The following SBSPON variants were observed in gnomAD, a reference collection of about 807,000 sequenced individuals.
The protein encoded by SBSPON is somatomedin-B and thrombospondin type-1 domain-containing protein.
In SBSPON, 30 loss-of-function variants were observed where a neutral mutation model predicts 35.8. The observed-to-expected ratio is 0.84, with a 90% CI of 0.63 to 1.14. The LOEUF (loss-of-function observed/expected upper bound fraction) is 1.14, where lower values mean the gene tolerates loss of function less well. Ranked by LOEUF, SBSPON falls within the 50% of genes most tolerant of loss-of-function variation. The pLI is 0.00. For missense variants in SBSPON, 364 were observed against 357.7 expected, an observed-to-expected ratio of 1.02 and a Z score of -0.14; for synonymous variants, 136 against 135.9, an observed-to-expected ratio of 1.00 and a Z score of 0.00.
At chr8:73,088,698 G>A (rs890177688) in intron 1 of SBSPON, among the ~76,000 whole-genome samples, 1 of 146,542 alleles carries the variant, frequency 6.8e-6, no homozygotes, top group African/African-American at 2.6e-5. Flanking sequence ...GAAAAAAAAA[G>A]AGAGAAGAAG....
At chr8:73,071,255 G>A (rs1171357817) in intron 3 of SBSPON, among the ~76,000 whole-genome samples, 2 of 152,170 alleles carry the variant, frequency 1.3e-5, no homozygotes, top group African/African-American at 2.4e-5. Context: ...AAAAACTGAG[G>A]TGGAACAAGT....
At chr8:73,075,863 T>C in intron 2 of SBSPON, 2 of 328,928 alleles carry the variant, frequency 6.1e-6, no homozygotes, top group Non-Finnish European at 8.7e-6. Context: ...TATAAACAAT[T>C]GTCAATGATG....
At position 73,067,368 on chromosome 8, in the gene SBSPON, T is replaced by C. The variant is rs1355652755; in HGVS notation, c.768A>G (p.Pro256=). ...ATATAAAAATAAAACTGTGAACAGC[T>C]GGACAAGAACACTGGTCTACTCGCC... is the stretch of plus-strand genomic sequence containing the variant. ...KVRRVDQCSC[P]AVHSFIFI is the part of the protein sequence containing the mutation. Residue 256 remains proline (P), a synonymous_variant, in exon 5 of 5, where the codon CCA becomes CCG. Coordinates refer to ENST00000297354, the MANE Select transcript of SBSPON (RefSeq NM_153225.4). 6.2e-7 allele frequency: 1 copy of C among 1,602,508 alleles called. No individual in the cohort carries two copies. The highest frequency in any genetic ancestry group is 2.2e-5 in the East Asian group (1 of 44,762).
intron 2 of SBSPON, chr8:73,074,403 C>T (rs1355916912): frequency 1.2e-5 from 2 of 162,718 alleles, no homozygotes; most frequent in East Asian, 3.8e-4. Flanking sequence ...AGTCACTTTT[C>T]AGGTATTAAT....
Position 73,075,193 on chromosome 8 carries a change from T to TTC in SBSPON, c.410-3325_410-3324dup, listed in dbSNP as rs139674078. On this transcript the variant is annotated intron_variant, in intron 2 of 4. Transcript: ENST00000297354. ...CTTGGCCCATCTGTTTTTCAGGACTTTCTATCAAGCTCAGTTTCATGCTCT... is the reference window on the plus strand; with the variant it reads ...CTTGGCCCATCTGTTTTTCAGGACTTTCTCTATCAAGCTCAGTTTCATGCTCT... Among the ~76,000 whole-genome samples the TTC allele has an allele frequency of 4.6e-3, 694 of 152,266 alleles. 12 individuals are homozygous for TTC. The East Asian group carries it at 0.057, about 12-fold the overall frequency.
intron 1 of SBSPON, among the ~76,000 whole-genome samples, chr8:73,081,571 A>G (rs527290401): frequency 8.1e-4 from 124 of 152,222 alleles, no homozygotes; most frequent in African/African-American, 2.9e-3. Context: ...CCTTGATATT[A>G]ATTTTATCTG....
chr8:73,073,371 C>A (rs1237503475), intron 2 of SBSPON, among the ~76,000 whole-genome samples: 2 of 152,186 alleles, frequency 1.3e-5, no homozygotes, highest in East Asian at 3.8e-4. Context: ...ATGAACTCAA[C>A]AATGTGAGGA....
rs1265077739 is a variant in SBSPON, at chr8:73,092,921, C to A, written c.147G>T (p.Thr49=). The A allele has an allele frequency of 6.2e-7, 1 of 1,611,482 alleles. No individual in the cohort carries two copies. The highest frequency in any genetic ancestry group is 8.5e-7 in the Non-Finnish European group (1 of 1,179,406). The change falls in exon 1 of 5, where the codon ACG becomes ACT. Residue 49 remains threonine (T), a synonymous_variant. Transcript: ENST00000297354. ...AGCGACAGGCTTGGTCGCAGAAACA[C>A]GTCCCGTAGACCCTGTCCAGCCTCC... ...RGWRLDRVYG[T]CFCDQACRFT...
rs1168530282 is a variant in SBSPON at position 73,067,397 on chromosome 8, CT to C, written c.738del (p.Val247PhefsTer4). On this transcript the variant is annotated frameshift_variant, in exon 5 of 5. Transcript: ENST00000297354. LOFTEE classifies it high-confidence loss of function. ...GNPRCQGTWK[K>X]VRRVDQCSCP... ...CAAGAACACTGGTCTACTCGCCGAA[CT>C]TTTTTCCAAGTTCCTTGACACCGAG... 3.7e-6 allele frequency: 6 copies of C among 1,612,284 alleles called. No individual in the cohort carries two copies. The Admixed American group carries it at 5.0e-5, about 13-fold the overall frequency.
intron 1 of SBSPON, among the ~76,000 whole-genome samples, chr8:73,089,673 T>C (rs1460077969): frequency 6.6e-6 from 1 of 152,222 alleles, no homozygotes; most frequent in African/African-American, 2.4e-5. Flanking sequence ...GAATACAAAT[T>C]ATAGCAATAT....
In SBSPON at chr8:73,079,909, G is replaced by A. The variant is rs187619980; in HGVS notation, c.409+1110C>T. 2.1e-4 allele frequency among the ~76,000 whole-genome samples: 32 copies of A among 152,126 alleles called. No homozygotes were observed. In the East Asian group the frequency reaches 4.6e-3, roughly 22 times the overall value. ...TCAAGTAGACTCTCAATAAATATTT[G>A]TGTGTGAAAAAAAAGAAGAAACAAA... On this transcript the variant is annotated intron_variant, in intron 2 of 4. Transcript: ENST00000297354.
At chr8:73,080,977 C>T in intron 2 of SBSPON, 42 bp downstream of exon 2, 1 of 1,500,866 alleles carries the variant, frequency 6.7e-7, no homozygotes, top group Non-Finnish European at 9.0e-7. Flanking sequence ...GTCAAAAAGT[C>T]ATCACAGATA....
chr8:73,071,713 C>T, intron 3 of SBSPON, 67 bp downstream of exon 3: 2 of 894,370 alleles, frequency 2.2e-6, no homozygotes, highest in Non-Finnish European at 3.5e-6. Context: ...CCAAGTTGAC[C>T]CTCTTGCATT....
chr8:73,081,132 C>A lies in SBSPON; in HGVS notation c.296G>T (p.Arg99Leu), dbSNP rs758346150. Residue 99 changes from arginine to leucine, a missense_variant, in exon 2 of 5, where the codon CGC (arginine) becomes CTC (leucine). Transcript: ENST00000297354. ...GTTCTGAGGCTCCTGCTGCACCGAG[C>A]GCCTCCGCACACGGGTTGTAGGCTT... is the stretch of plus-strand genomic sequence containing the variant. ...QCKPTTRVRR[R>L]SVQQEPQNGG... 1.2e-6 allele frequency: 2 copies of A among 1,613,156 alleles called. No homozygotes were observed. The highest frequency in any genetic ancestry group is 3.3e-5 in the Admixed American group (2 of 59,920).
At chr8:73,076,192 G>T (rs1810592028) in intron 2 of SBSPON, among the ~76,000 whole-genome samples, 1 of 152,134 alleles carries the variant, frequency 6.6e-6, no homozygotes, top group Non-Finnish European at 1.5e-5. Context: ...TCACCTCTCA[G>T]AACTCCAGTG....
intron 2 of SBSPON, chr8:73,075,761 G>T: frequency 1.1e-6 from 1 of 952,090 alleles, no homozygotes; most frequent in Non-Finnish European, 1.3e-6. Context: ...ACAGAAGAGA[G>T]TAAAATGAAA....
chr8:73,090,721 T>G (rs1425414546), intron 1 of SBSPON, among the ~76,000 whole-genome samples: 1 of 152,172 alleles, frequency 6.6e-6, no homozygotes, highest in Admixed American at 6.5e-5. Flanking sequence ...TGCCACAGGG[T>G]ATTGAGGGCT....
At chr8:73,083,368 G>A (rs7000552) in intron 1 of SBSPON, among the ~76,000 whole-genome samples, 111,881 of 152,182 alleles carry the variant, frequency 0.74, 42,532 homozygotes, top group East Asian at 0.99. Context: ...TAGGAATAAA[G>A]AGGTGTTTCA....
chr8:73,080,596 AGTGTGCATAATGAAACAG>A (rs1810679703), intron 2 of SBSPON, among the ~76,000 whole-genome samples: 2 of 152,176 alleles, frequency 1.3e-5, no homozygotes, highest in South Asian at 4.1e-4. Flanking sequence ...CACATGCGTG[AGTGTGCATAATGAAACAG>A]GAATTGCAGT....
Sources: gnomAD v4.1 joint callset for allele counts (sites outside exome capture counted in the v4.1 genomes callset) on GRCh38, gnomAD v4.1.1 for gene constraint, MANE v1.5 for transcripts, NCBI Gene and HGNC (gene_info 2026-07-23, HGNC 2026-07-21) for gene names.